GSK3A: variants seen among roughly 807,000 people sequenced by gnomAD.
GSK3A encodes glycogen synthase kinase 3 alpha, also known as glycogen synthase kinase-3 alpha.
GSK3A carries 14 observed loss-of-function variants against 56.6 expected under a neutral mutation model. That is an observed-to-expected ratio of 0.25 (90% confidence interval 0.16 to 0.39). GSK3A has a LOEUF of 0.39. Among genes scored for constraint, GSK3A ranks in the 10% least tolerant of loss-of-function variants. GSK3A has a pLI of 1.00. For synonymous variants in GSK3A, 301 were observed against 285.0 expected (o/e 1.06, Z -0.56); for missense variants, 450 against 656.0 (o/e 0.69, Z 3.43).
intron 9 of GSK3A, 84 bp downstream of exon 9, chr19:42,232,412 T>C: frequency 7.6e-7 from 1 of 1,311,156 alleles, no homozygotes; most frequent in Non-Finnish European, 1.1e-6. Flanking sequence ...AGCTCCCCAC[T>C]CCTGCTTCAA....
At chr19:42,235,414 C>T (rs538975868) in intron 4 of GSK3A, among the ~76,000 whole-genome samples, 3 of 152,180 alleles carry the variant, frequency 2.0e-5, no homozygotes, top group Non-Finnish European at 4.4e-5. Context: ...CCCTCTCCAG[C>T]TCCATTTTCC....
chr19:42,236,540 A>C, intron 4 of GSK3A, 66 bp downstream of exon 4: 5 of 947,468 alleles, frequency 5.3e-6, no homozygotes, highest in Non-Finnish European at 7.0e-6. Flanking sequence ...ATCCCATAAA[A>C]GGCAGGAGGC....
At chr19:42,239,906 A>G in intron 2 of GSK3A, 49 bp downstream of exon 2, 1 of 1,488,164 alleles carries the variant, frequency 6.7e-7, no homozygotes, top group Non-Finnish European at 9.4e-7. Context: ...TTCTCCCACC[A>G]GTCACACCCA....
At position 42,242,199 on chromosome 19, in the gene GSK3A, G is replaced by A. The variant is rs1273188378; in HGVS notation, c.267C>T (p.Pro89=). 7.0e-7 allele frequency: 1 copy of A among 1,435,082 alleles called. No homozygotes were observed. Among genetic ancestry groups the A allele is most frequent in the African/African-American group, 1.5e-5 (1 of 67,574 alleles). The allele number at this position is 1,435,082 out of a possible 1,614,324, so 88.9% of individuals were successfully genotyped here. A position where few individuals can be genotyped will look rare whatever the true frequency, so the allele number is the denominator to read the frequency against. The change falls in exon 1 of 11, where the codon CCC becomes CCT. Residue 89 remains proline, a synonymous_variant. Transcript: ENST00000222330. Reference sequence around the variant, plus strand: ...AGTACTCACGGCCCAGCTTCACCCCGGGCGGCGGGAAGCTAGTGCCTGCGC... The same window carrying A: ...AGTACTCACGGCCCAGCTTCACCCCAGGCGGCGGGAAGCTAGTGCCTGCGC... The part of the protein sequence containing the change: ...GPGAGTSFPP[P]GVKLGRDSGK...
In GSK3A at chr19:42,242,370, G is replaced by A; in HGVS notation, c.96C>T (p.Gly32=). 1 of 1,393,360 alleles carries A rather than the reference G, an allele frequency of 7.2e-7. No homozygotes were observed. Among genetic ancestry groups the A allele is most frequent in the Non-Finnish European group, 9.3e-7 (1 of 1,076,096 alleles). The allele number at this position is 1,393,360 out of a possible 1,614,324, so 86.3% of individuals were successfully genotyped here. Residue 32 remains glycine, a synonymous_variant, in exon 1 of 11, where the codon GGC becomes GGT. Coordinates refer to ENST00000222330, the MANE Select transcript of GSK3A (RefSeq NM_019884.3). The part of the protein sequence containing the change: ...FAEPGGGGGG[G]GGGPGGSASG... ...AGGCCGAGCCTCCGGGGCCGCCGCC[G>A]CCTCCTCCGCCTCCGCCGCCGGGCT...
chr19:42,230,583 C>G lies in GSK3A; in HGVS notation c.*211G>C. ...CCCCCCAACACCCTGTCCTTCTCTT[C>G]CCTCCCCACAACCAGTTAAAATCCT... On this transcript the variant is annotated 3_prime_UTR_variant, in exon 11 of 11. Coordinates refer to ENST00000222330, the MANE Select transcript of GSK3A (RefSeq NM_019884.3). 1 of 587,142 alleles carries G rather than the reference C, an allele frequency of 1.7e-6. No individual in the cohort carries two copies. Among genetic ancestry groups the G allele is most frequent in the Non-Finnish European group, 3.1e-6 (1 of 327,102 alleles). The allele number at this position is 587,142 out of a possible 1,614,324, so 36.4% of individuals were successfully genotyped here. A position where few individuals can be genotyped will look rare whatever the true frequency, so the allele number is the denominator to read the frequency against.
chr19:42,241,913 C>T, intron 1 of GSK3A: 1 of 358,478 alleles, frequency 2.8e-6, no homozygotes, highest in Non-Finnish European at 5.0e-6. Context: ...GTTCTTAAGG[C>T]TCAAGGACCC....
chr19:42,232,310 T>C (rs2146935537), intron 9 of GSK3A, among the ~76,000 whole-genome samples, 161 bp from the exon 10 acceptor site: 1 of 152,218 alleles, frequency 6.6e-6, no homozygotes, highest in African/African-American at 2.4e-5. Context: ...ACAAGGCAGA[T>C]CACAGTAAAG....
At chr19:42,230,957 A>G (rs1358161708) in intron 10 of GSK3A, 90 bp from the exon 11 acceptor site, 2 of 849,394 alleles carry the variant, frequency 2.4e-6, no homozygotes, top group African/African-American at 1.7e-5. Context: ...CTTGTCATAG[A>G]TGCTACATTA....
intron 7 of GSK3A, 23 bp from the exon 8 acceptor site, chr19:42,233,228 G>C: frequency 6.3e-7 from 1 of 1,594,080 alleles, no homozygotes; most frequent in Non-Finnish European, 8.6e-7. Context: ...GGAGGGGTCT[G>C]AGACAAGGGC....
At chr19:42,231,773 C>CAA (rs771063456) in intron 10 of GSK3A, among the ~76,000 whole-genome samples, 35 of 84,420 alleles carry the variant, frequency 4.1e-4, no homozygotes, top group Admixed American at 1.0e-3. Context: ...CTCTATTGCA[C>CAA]AAAAAAAAAA....
Position 42,242,335 on chromosome 19 carries a change from C to A in GSK3A, c.131G>T (p.Gly44Val). 2 of 1,428,626 alleles carry A rather than the reference C, an allele frequency of 1.4e-6. No homozygotes were observed. The highest frequency in any genetic ancestry group is 1.4e-5 in the South Asian group (1 of 70,846). 88.5% of individuals were successfully genotyped at this position (1,428,626 alleles called of 1,614,324 possible). The change falls in exon 1 of 11, where the codon GGC becomes GTC. Residue 44 changes from glycine to valine, a missense_variant. Transcript: ENST00000222330. The stretch of plus-strand genomic sequence containing the variant: ...AGATGCCTTTCCGCCGCCGGTGCCG[C>A]CTGGGCCGGAGGCCGAGCCTCCGGG... ...GGPGGSASGP[G>V]GTGGGKASVG...
At chr19:42,241,027 G>A (rs1181393114) in intron 1 of GSK3A, 3 of 150,880 alleles carry the variant, frequency 2.0e-5, no homozygotes, top group Admixed American at 6.6e-5. Context: ...ACACAGTTTC[G>A]CTCTCGTTGC....
rs754179149 is a variant in GSK3A, at chr19:42,242,289, G to T, written c.177C>A (p.Gly59=). The part of the protein sequence containing the change: ...GKASVGAMGG[G]VGASSSGGGP... The stretch of plus-strand genomic sequence containing the variant: ...CACCCCCGGAGCTCGAGGCCCCGAC[G>T]CCCCCACCCATGGCCCCGACAGATG... The change falls in exon 1 of 11, where the codon GGC becomes GGA. Residue 59 remains glycine (G), a synonymous_variant. Transcript: ENST00000222330. The T allele has an allele frequency of 1.4e-6, 2 of 1,439,596 alleles. No individual in the cohort carries two copies. The highest frequency in any genetic ancestry group is 2.8e-5 in the Admixed American group (1 of 36,068). 89.2% of individuals were successfully genotyped at this position (1,439,596 alleles called of 1,614,324 possible).
chr19:42,232,598 G>C lies in GSK3A; in HGVS notation c.1183C>G (p.Leu395Val). The change falls in exon 9 of 11, where the codon CTA (leucine) becomes GTA (valine). Residue 395 changes from leucine to valine, a missense_variant. Around this residue, in one of 3 missense-constraint regions of GSK3A, gnomAD observed 113 missense variants for 147.5 expected, o/e 0.77. Coordinates refer to ENST00000222330, the MANE Select transcript of GSK3A (RefSeq NM_019884.3). Reference protein sequence around the residue: ...EYTPSSRLSPLEACAHSFFDE... With the variant: ...EYTPSSRLSPVEACAHSFFDE... ...AAGAAGCTGTGCGCACAGGCCTCTA[G>C]TGGGGAGAGCCTTGAGGATGGGGTG... 1.2e-6 allele frequency: 2 copies of C among 1,614,086 alleles called. No individual in the cohort carries two copies. Among genetic ancestry groups the C allele is most frequent in the Non-Finnish European group, 1.7e-6 (2 of 1,179,950 alleles).
In GSK3A at chr19:42,234,268, A is replaced by G; in HGVS notation, c.904+85T>C. ...ATACAAGAACAGAAGTTAAGCTTTC[A>G]TCACCAAGCTTGGCATACAGCACAC... On this transcript the variant is annotated intron_variant, in intron 6 of 10. Coordinates refer to ENST00000222330, the MANE Select transcript of GSK3A (RefSeq NM_019884.3). This position sits in a 1 kb window ranked among gnomAD's most constrained non-coding sequence, Gnocchi z 5.7. The G allele has an allele frequency of 1.1e-6, 1 of 935,684 alleles. No homozygotes were observed. 58.0% of individuals were successfully genotyped at this position (935,684 alleles called of 1,614,324 possible). A position where few individuals can be genotyped will look rare whatever the true frequency, so the allele number is the denominator to read the frequency against.
At chr19:42,232,784 G>A in intron 8 of GSK3A, 102 bp from the exon 9 acceptor site, 1 of 960,396 alleles carries the variant, frequency 1.0e-6, no homozygotes, top group South Asian at 1.7e-5. Flanking sequence ...ATGACTGGTT[G>A]CTTCCCACAC....
rs1398583750 is a variant in GSK3A at position 42,230,734 on chromosome 19, C to T, written c.*60G>A. 1 of 1,302,542 alleles carries T rather than the reference C, an allele frequency of 7.7e-7. No homozygotes were observed. The highest frequency in any genetic ancestry group is 1.5e-5 in the African/African-American group (1 of 68,386). The allele number at this position is 1,302,542 out of a possible 1,614,324, so 80.7% of individuals were successfully genotyped here. On this transcript the variant is annotated 3_prime_UTR_variant, in exon 11 of 11. Coordinates refer to ENST00000222330, the MANE Select transcript of GSK3A (RefSeq NM_019884.3). ...GGCAGGAGCTTGATGGGCTATGGCCCCCCTTCCCAGCCCCTCTTGGGGCTC... is the reference window on the plus strand; with the variant it reads ...GGCAGGAGCTTGATGGGCTATGGCCTCCCTTCCCAGCCCCTCTTGGGGCTC...
intron 10 of GSK3A, among the ~76,000 whole-genome samples, 172 bp downstream of exon 10, chr19:42,231,885 C>T (rs971981248): frequency 8.5e-5 from 13 of 152,072 alleles, no homozygotes; most frequent in East Asian, 1.9e-4. Flanking sequence ...AACATTTGTA[C>T]GCAAGAATAC....
Sources: allele counts gnomAD v4.1 joint callset (sites outside exome capture counted in the v4.1 genomes callset), GRCh38; gene constraint gnomAD v4.1.1; regional missense constraint gnomAD v4.1.1; non-coding constraint Gnocchi (gnomAD v3.1); transcripts MANE v1.5; gene names NCBI Gene and HGNC (gene_info 2026-07-23, HGNC 2026-07-21).